ZBTB20: variants seen among roughly 807,000 people sequenced by gnomAD.
ZBTB20 encodes zinc finger and BTB domain containing 20.
Under a neutral mutation model 56.9 loss-of-function variants are expected in ZBTB20, and 9 were observed. The ratio of observed to expected loss-of-function variants is 0.16; its 90% CI spans 0.10 to 0.28. The LOEUF is 0.28. ZBTB20 is among the 10% of genes least tolerant of loss of function. ZBTB20 has a pLI of 1.00. For missense variants in ZBTB20, 655 were observed against 1,003.0 expected, an observed-to-expected ratio of 0.65 and a Z score of 4.69; for synonymous variants, 417 against 420.7, an observed-to-expected ratio of 0.99 and a Z score of 0.11.
At chr3:115,005,832 G>A (rs2079442621) in intron 2 of ZBTB20, among the ~76,000 whole-genome samples, 1 of 151,640 alleles carries the variant, frequency 6.6e-6, no homozygotes, top group Non-Finnish European at 1.5e-5. Flanking sequence ...CCAGAAGCAG[G>A]TTTATTATGG....
chr3:114,872,967 CT>C (rs2076064266), intron 4 of ZBTB20: 2 of 152,220 alleles, frequency 1.3e-5, no homozygotes, highest in South Asian at 4.1e-4. Context: ...GTCTAATCAA[CT>C]AATAGACTTT....
intron 2 of ZBTB20, among the ~76,000 whole-genome samples, chr3:115,070,368 T>C (rs1176293601): frequency 6.6e-6 from 1 of 152,158 alleles, no homozygotes; most frequent in Non-Finnish European, 1.5e-5. Context: ...TAAATTACAA[T>C]TGCACATTCA....
intron 5 of ZBTB20, among the ~76,000 whole-genome samples, chr3:114,726,939 A>AAAG (rs2065348662): frequency 6.7e-6 from 1 of 148,392 alleles, no homozygotes; most frequent in African/African-American, 2.5e-5. Context: ...AAAAAAAAAA[A>AAAG]GTCAGTGAGA....
At position 114,964,782 on chromosome 3, in the gene ZBTB20, T is replaced by C. The variant is rs535503171; in HGVS notation, c.-456+9584A>G. 6.6e-5 allele frequency among the ~76,000 whole-genome samples: 10 copies of C among 152,308 alleles called. No homozygotes were observed. In the South Asian group the frequency reaches 2.1e-3, roughly 32 times the overall value. ...CGAATTAAGAATTTTCAATGTCATC[T>C]TGTGTTAGCTTTTATGTAATATGAG... On this transcript the variant is annotated intron_variant, in intron 3 of 11. Transcript: ENST00000675478.
intron 4 of ZBTB20, among the ~76,000 whole-genome samples, chr3:114,898,081 G>T (rs1353733825): frequency 6.6e-6 from 1 of 151,982 alleles, no homozygotes; most frequent in Non-Finnish European, 1.5e-5. Flanking sequence ...CATTACTTTT[G>T]CTTAGAAAAA....
rs990411491 is a variant in ZBTB20 at position 114,339,048 on chromosome 3, T to A, written c.2183A>T (p.Glu728Val). 11 of 1,542,982 alleles carry A rather than the reference T, an allele frequency of 7.1e-6. No homozygotes were observed. The highest frequency in any genetic ancestry group is 9.6e-6 in the Non-Finnish European group (11 of 1,144,074). The stretch of plus-strand genomic sequence containing the variant: ...CATCCTCATGTGGTCGTTGAACTGC[T>A]CGATTTGGTCAAACTTTGCTGGGCA... The part of the protein sequence containing the change: ...SVCPAKFDQI[E>V]QFNDHMRMHV... Residue 728 changes from glutamate (E) to valine (V), a missense_variant, in exon 12 of 12, where the codon GAG (glutamate) becomes GTG (valine). Glu to Val is a moderately radical substitution (Grantham distance 121). This residue lies in a region of ZBTB20 where 89 missense variants were observed against 79.7 expected (regional missense o/e 1.12). Transcript: ENST00000675478. The surrounding 1 kb of genome is among the most constrained non-coding windows in gnomAD (Gnocchi z 4.2).
chr3:114,862,133 C>A (rs548215268), intron 4 of ZBTB20, among the ~76,000 whole-genome samples: 21 of 152,198 alleles, frequency 1.4e-4, no homozygotes, highest in Admixed American at 1.3e-3. Context: ...ATTTTAGTAG[C>A]AATAATAGTT....
At chr3:114,684,489 C>G (rs965664227) in intron 6 of ZBTB20, 1 of 152,176 alleles carries the variant, frequency 6.6e-6, no homozygotes, top group Non-Finnish European at 1.5e-5. Context: ...GGTCTTTGAA[C>G]ATAAATGAGT....
At chr3:114,954,702 G>T (rs2077189189) in intron 3 of ZBTB20, among the ~76,000 whole-genome samples, 1 of 152,160 alleles carries the variant, frequency 6.6e-6, no homozygotes, top group African/African-American at 2.4e-5. Flanking sequence ...AGTGAAAGTT[G>T]AATTGTCACT....
chr3:114,557,027 G>GTTACCTGA (rs2051319716), intron 6 of ZBTB20, among the ~76,000 whole-genome samples: 1 of 152,004 alleles, frequency 6.6e-6, no homozygotes, highest in Non-Finnish European at 1.5e-5. Flanking sequence ...GAGGTATTAT[G>GTTACCTGA]TTACCTGATT....
At chr3:114,382,264 T>C (rs551861335) in intron 8 of ZBTB20, among the ~76,000 whole-genome samples, 24 of 152,218 alleles carry the variant, frequency 1.6e-4, no homozygotes, top group Non-Finnish European at 2.9e-4. Context: ...ATCTAGCTGA[T>C]TGTTTACTAA....
At chr3:114,682,904 C>T (rs2062069659) in intron 6 of ZBTB20, among the ~76,000 whole-genome samples, 1 of 152,162 alleles carries the variant, frequency 6.6e-6, no homozygotes, top group Non-Finnish European at 1.5e-5. Context: ...AAGTGACTTG[C>T]TTTGACTAAT....
intron 6 of ZBTB20, among the ~76,000 whole-genome samples, chr3:114,564,900 A>C (rs2052533717): frequency 6.6e-6 from 1 of 152,176 alleles, no homozygotes; most frequent in Non-Finnish European, 1.5e-5. Flanking sequence ...AAATTCCCTT[A>C]TGTCACGCCT....
intron 5 of ZBTB20, among the ~76,000 whole-genome samples, chr3:114,782,536 C>T (rs975395232): frequency 3.3e-5 from 5 of 151,946 alleles, no homozygotes; most frequent in Admixed American, 1.3e-4. Flanking sequence ...TTCCCCTTAA[C>T]CATAATAACT....
At chr3:114,371,677 A>G (rs1478189258) in intron 10 of ZBTB20, among the ~76,000 whole-genome samples, 1 of 152,188 alleles carries the variant, frequency 6.6e-6, no homozygotes, top group Non-Finnish European at 1.5e-5. Context: ...CCAGAAGCAG[A>G]CTTAGTAACA....
At chr3:115,134,505 C>G (rs2084601642) in intron 1 of ZBTB20, among the ~76,000 whole-genome samples, 2 of 151,832 alleles carry the variant, frequency 1.3e-5, no homozygotes, top group South Asian at 4.2e-4. Context: ...AATATTTCAT[C>G]ATGGGTTTTT....
chr3:114,798,700 A>T (rs1193590965), intron 5 of ZBTB20, among the ~76,000 whole-genome samples: 6 of 151,962 alleles, frequency 3.9e-5, no homozygotes, highest in African/African-American at 1.4e-4. Context: ...TCCCACTATA[A>T]TGTTTGGTGA....
intron 4 of ZBTB20, among the ~76,000 whole-genome samples, chr3:114,857,470 C>G (rs1054762204): frequency 3.3e-5 from 5 of 152,154 alleles, no homozygotes; most frequent in Admixed American, 3.3e-4. Flanking sequence ...GGAAGTACTT[C>G]CCCTTGGTGG....
chr3:114,873,673 C>T (rs2076091156), intron 4 of ZBTB20, among the ~76,000 whole-genome samples: 1 of 151,962 alleles, frequency 6.6e-6, no homozygotes, highest in South Asian at 2.1e-4. Flanking sequence ...TCATCTTTGT[C>T]TTAGTTTTGG....
Sources: allele counts gnomAD v4.1 joint callset (sites outside exome capture counted in the v4.1 genomes callset), GRCh38; gene constraint gnomAD v4.1.1; regional missense constraint gnomAD v4.1.1; non-coding constraint Gnocchi (gnomAD v3.1); transcripts MANE v1.5; gene names NCBI Gene and HGNC (gene_info 2026-07-23, HGNC 2026-07-21).